The following PPP3CA variants were observed in gnomAD, a reference collection of about 807,000 sequenced individuals.
The protein encoded by PPP3CA is protein phosphatase 3 catalytic subunit alpha.
In PPP3CA, 14 loss-of-function variants were observed where a neutral mutation model predicts 66.5. The ratio of observed to expected loss-of-function variants is 0.21; its 90% confidence interval spans 0.14 to 0.33. The LOEUF is 0.33. PPP3CA is among the 10% of genes least tolerant of loss of function. PPP3CA has a pLI of 1.00. For synonymous variants in PPP3CA, 232 were observed against 226.2 expected (o/e 1.03, Z -0.23); for missense variants, 317 against 639.5 (o/e 0.50, Z 5.44).
At chr4:101,164,041 T>G (rs1723606763) in intron 2 of PPP3CA, among the ~76,000 whole-genome samples, 1 of 151,928 alleles carries the variant, frequency 6.6e-6, no homozygotes, top group Non-Finnish European at 1.5e-5. Context: ...AGTGCAGTGG[T>G]GTAATCATAA....
At chr4:101,281,580 C>CA (rs11454628) in intron 1 of PPP3CA, among the ~76,000 whole-genome samples, 54,424 of 151,992 alleles carry the variant, frequency 0.36, 14,733 homozygotes, top group African/African-American at 0.73. Context: ...GAGAATGTAT[C>CA]AAAAAAATTT....
intron 2 of PPP3CA, among the ~76,000 whole-genome samples, chr4:101,136,026 C>T (rs1722609729): frequency 6.6e-6 from 1 of 152,136 alleles, no homozygotes; most frequent in South Asian, 2.1e-4. Flanking sequence ...AAGTATATTG[C>T]ATTGTGGCTG....
At chr4:101,193,904 A>G (rs1724703929) in intron 2 of PPP3CA, among the ~76,000 whole-genome samples, 1 of 152,330 alleles carries the variant, frequency 6.6e-6, no homozygotes, top group Admixed American at 6.5e-5. Flanking sequence ...ACTCTTCTCT[A>G]AACATCTGAG....
intron 1 of PPP3CA, among the ~76,000 whole-genome samples, chr4:101,253,277 C>T (rs967575562): frequency 6.6e-6 from 1 of 152,150 alleles, no homozygotes; most frequent in Admixed American, 6.6e-5. Flanking sequence ...TATTTTTTAG[C>T]ATACATTCTT....
At chr4:101,072,797 G>C (rs1017758813) in intron 8 of PPP3CA, among the ~76,000 whole-genome samples, 1 of 151,494 alleles carries the variant, frequency 6.6e-6, no homozygotes, top group African/African-American at 2.4e-5. Flanking sequence ...TTAGCCAGGC[G>C]TGGTGGTGGG....
chr4:101,209,912 C>A (rs542213921), intron 1 of PPP3CA, among the ~76,000 whole-genome samples: 1 of 152,010 alleles, frequency 6.6e-6, no homozygotes, highest in African/African-American at 2.4e-5. Context: ...AAAACAAATA[C>A]AAAGTAAAGA....
At chr4:101,076,029 G>T (rs1243526175) in intron 8 of PPP3CA, among the ~76,000 whole-genome samples, 3 of 152,098 alleles carry the variant, frequency 2.0e-5, no homozygotes, top group African/African-American at 7.2e-5. Flanking sequence ...CACTTTTACA[G>T]GGGGCAAATA....
chr4:101,242,538 A>C (rs1726345288), intron 1 of PPP3CA, among the ~76,000 whole-genome samples: 1 of 151,426 alleles, frequency 6.6e-6, no homozygotes. Context: ...GGTTTAAATA[A>C]AAAAAAAGAG....
chr4:101,221,778 C>T (rs1054145695), intron 1 of PPP3CA, among the ~76,000 whole-genome samples: 1 of 151,400 alleles, frequency 6.6e-6, no homozygotes, highest in Non-Finnish European at 1.5e-5. Context: ...ACTTATTGTA[C>T]AAAAATAATA....
At chr4:101,228,060 T>A (rs1329708727) in intron 1 of PPP3CA, among the ~76,000 whole-genome samples, 1 of 151,690 alleles carries the variant, frequency 6.6e-6, no homozygotes. Flanking sequence ...CTACCCAAGA[T>A]GGAATAAAGT....
intron 8 of PPP3CA, among the ~76,000 whole-genome samples, chr4:101,069,358 CT>C (rs1728814431): frequency 6.6e-6 from 1 of 152,086 alleles, no homozygotes; most frequent in South Asian, 2.1e-4. Context: ...CATTCTAGCC[CT>C]TGCCCCACTC....
intron 2 of PPP3CA, among the ~76,000 whole-genome samples, chr4:101,118,532 T>C (rs1721920575): frequency 1.3e-5 from 2 of 152,104 alleles, no homozygotes; most frequent in Non-Finnish European, 2.9e-5. Flanking sequence ...AGATTTTTTT[T>C]GGAATATTAT....
intron 1 of PPP3CA, among the ~76,000 whole-genome samples, chr4:101,230,713 C>T (rs1030355758): frequency 9.2e-5 from 14 of 151,698 alleles, no homozygotes; most frequent in African/African-American, 3.4e-4. Flanking sequence ...TTCCTTCTGC[C>T]TGCATAGGTA....
intron 2 of PPP3CA, among the ~76,000 whole-genome samples, chr4:101,111,757 C>T: frequency 6.6e-6 from 1 of 152,082 alleles, no homozygotes; most frequent in East Asian, 1.9e-4. Context: ...TGGTACCTTA[C>T]ATTATTGGGC....
intron 5 of PPP3CA, among the ~76,000 whole-genome samples, chr4:101,097,450 T>C (rs1352853567): frequency 6.6e-6 from 1 of 152,128 alleles, no homozygotes; most frequent in Non-Finnish European, 1.5e-5. Flanking sequence ...GAAAGCTTAA[T>C]GGTGGGCACA....
intron 1 of PPP3CA, among the ~76,000 whole-genome samples, chr4:101,302,055 T>C (rs1432523131): frequency 6.6e-6 from 1 of 152,146 alleles, no homozygotes; most frequent in African/African-American, 2.4e-5. Flanking sequence ...TAGATACTAG[T>C]TTTACTGATA....
intron 1 of PPP3CA, among the ~76,000 whole-genome samples, chr4:101,341,293 G>A (rs1729808295): frequency 6.7e-6 from 1 of 149,734 alleles, no homozygotes; most frequent in African/African-American, 2.5e-5. Context: ...TTATAGGTGT[G>A]AGCCACCACA....
intron 1 of PPP3CA, among the ~76,000 whole-genome samples, chr4:101,275,155 T>A (rs1337899051): frequency 2.6e-5 from 4 of 152,156 alleles, no homozygotes; most frequent in Admixed American, 2.6e-4. Flanking sequence ...ACGAAGAACA[T>A]CTTTCTGATC....
rs535174330 is a variant in PPP3CA at position 101,101,610 on chromosome 4, A to C, written c.385-1888T>G. On this transcript the variant is annotated intron_variant, in intron 3 of 13. Transcript: ENST00000394854. The stretch of plus-strand genomic sequence containing the variant: ...CTGGGGGAGAGAATACATGTTCTGA[A>C]GGCACTTAGGCTACTTTTTTAAAGT... Among the ~76,000 whole-genome samples the C allele has an allele frequency of 5.3e-5, 8 of 152,250 alleles. No homozygotes were observed. The South Asian group carries it at 1.7e-3, about 32-fold the overall frequency.
Sources: gnomAD v4.1 joint callset for allele counts (sites outside exome capture counted in the v4.1 genomes callset) on GRCh38, gnomAD v4.1.1 for gene constraint, MANE v1.5 for transcripts, NCBI Gene and HGNC (gene_info 2026-07-23, HGNC 2026-07-21) for gene names.